Variants in SERGEF observed in about 807,000 individuals in gnomAD.
SERGEF encodes secretion-regulating guanine nucleotide exchange factor.
A neutral mutation model predicts 50.0 loss-of-function variants in SERGEF; 51 were observed. The ratio of observed to expected loss-of-function variants is 1.02; its 90% confidence interval spans 0.81 to 1.29. SERGEF has a LOEUF of 1.29. Ranked by LOEUF, SERGEF falls within the 50% of genes most tolerant of loss-of-function variation. The pLI is 0.00. For missense variants in SERGEF, 521 were observed against 557.0 expected, an observed-to-expected ratio of 0.94 and a Z score of 0.65; for synonymous variants, 205 against 212.4, an observed-to-expected ratio of 0.97 and a Z score of 0.30.
intron 9 of SERGEF, among the ~76,000 whole-genome samples, chr11:17,947,124 A>C (rs1051470584): frequency 2.6e-5 from 4 of 152,262 alleles, no homozygotes; most frequent in African/African-American, 9.6e-5. Flanking sequence ...CTCTGAGTTA[A>C]GATTTCCGTT....
chr11:17,976,068 T>A (rs926240602), intron 8 of SERGEF, among the ~76,000 whole-genome samples: 1 of 152,120 alleles, frequency 6.6e-6, no homozygotes, highest in Non-Finnish European at 1.5e-5. Context: ...GTGAGGAAGT[T>A]CAGGCCCAAT....
intron 10 of SERGEF, among the ~76,000 whole-genome samples, chr11:17,857,838 A>C (rs1325631317): frequency 6.6e-6 from 1 of 152,228 alleles, no homozygotes; most frequent in Non-Finnish European, 1.5e-5. Context: ...ATCGGGATAG[A>C]TTGAGCCCAC....
chr11:17,837,582 C>T lies in SERGEF; in HGVS notation c.1048+40626G>A, dbSNP rs80137216. Among the ~76,000 whole-genome samples, 2,834 of 150,678 alleles carry T rather than the reference C, an allele frequency of 0.019. 191 individuals carry two copies. The East Asian group carries it at 0.23, about 12-fold the overall frequency. On this transcript the variant is annotated intron_variant, in intron 10 of 10. Coordinates refer to ENST00000265965, the MANE Select transcript of SERGEF (RefSeq NM_012139.4). Reference sequence around the variant, plus strand: ...TCATGAGTGGAAGCAGCCTGAGGCCCTCACCATAAACCAAGCAGAAGCCGG... The same window carrying T: ...TCATGAGTGGAAGCAGCCTGAGGCCTTCACCATAAACCAAGCAGAAGCCGG...
At chr11:18,004,380 G>A (rs964754328) in intron 4 of SERGEF, 61 bp downstream of exon 4, 5 of 1,247,684 alleles carry the variant, frequency 4.0e-6, no homozygotes, top group Non-Finnish European at 5.8e-6. Flanking sequence ...GGGAGAGATA[G>A]GTTAATACCT....
intron 10 of SERGEF, among the ~76,000 whole-genome samples, chr11:17,807,275 A>G (rs1389374741): frequency 6.6e-6 from 1 of 152,138 alleles, no homozygotes; most frequent in Non-Finnish European, 1.5e-5. Context: ...ATCCCTGATG[A>G]GCTGCCCCGG....
At chr11:17,987,091 C>T (rs1853615981) in intron 8 of SERGEF, among the ~76,000 whole-genome samples, 1 of 152,220 alleles carries the variant, frequency 6.6e-6, no homozygotes. Context: ...TTCCCCAAGG[C>T]TTAACACATT....
chr11:17,887,101 C>T (rs756436111), intron 9 of SERGEF, among the ~76,000 whole-genome samples: 15 of 152,030 alleles, frequency 9.9e-5, no homozygotes, highest in Non-Finnish European at 2.2e-4. Context: ...CAGGAAGGAA[C>T]AGTAAAGTGA....
intron 10 of SERGEF, chr11:17,854,784 G>T (rs1378555866): frequency 6.6e-6 from 1 of 152,288 alleles, no homozygotes. Flanking sequence ...ATAACATTTT[G>T]TTTCTCACCT....
chr11:17,978,162 A>G, intron 8 of SERGEF, among the ~76,000 whole-genome samples: 1 of 152,150 alleles, frequency 6.6e-6, no homozygotes, highest in East Asian at 1.9e-4. Flanking sequence ...CCCTACCTTA[A>G]GGGGCTACAG....
intron 8 of SERGEF, among the ~76,000 whole-genome samples, chr11:17,970,892 G>A (rs1259339029): frequency 3.3e-5 from 5 of 152,036 alleles, no homozygotes; most frequent in Non-Finnish European, 7.4e-5. Context: ...GGTTCATGAG[G>A]TTTAAAAAAA....
chr11:17,837,972 C>T (rs1365638694), intron 10 of SERGEF, among the ~76,000 whole-genome samples: 1 of 152,102 alleles, frequency 6.6e-6, no homozygotes, highest in African/African-American at 2.4e-5. Flanking sequence ...GCCAATAAAC[C>T]TCTTTTCTTT....
chr11:17,995,724 C>G (rs1853823488), intron 6 of SERGEF, 72 bp downstream of exon 6: 2 of 1,040,904 alleles, frequency 1.9e-6, no homozygotes, highest in Admixed American at 4.1e-5. Context: ...TCCATTTAAT[C>G]CTCTTCTGCA....
At chr11:17,835,874 G>A (rs1215565222) in intron 10 of SERGEF, among the ~76,000 whole-genome samples, 2 of 152,142 alleles carry the variant, frequency 1.3e-5, no homozygotes, top group African/African-American at 4.8e-5. Flanking sequence ...ATTTTATTCT[G>A]ATTAAATTTG....
chr11:17,812,675 C>A (rs983596645), intron 10 of SERGEF, among the ~76,000 whole-genome samples: 1 of 152,178 alleles, frequency 6.6e-6, no homozygotes, highest in African/African-American at 2.4e-5. Context: ...CTTAATTGTA[C>A]CTTTGACTGT....
intron 9 of SERGEF, among the ~76,000 whole-genome samples, chr11:17,885,575 C>T (rs761471431): frequency 2.6e-5 from 4 of 152,050 alleles, no homozygotes; most frequent in Admixed American, 6.5e-5. Context: ...CCTCCTCCCT[C>T]GGCCTCTCAA....
intron 8 of SERGEF, among the ~76,000 whole-genome samples, chr11:17,960,420 G>A (rs1035418617): frequency 2.0e-5 from 3 of 152,168 alleles, no homozygotes; most frequent in African/African-American, 7.2e-5. Context: ...GTTGTACCAA[G>A]TGCCACATTT....
chr11:17,824,102 CCAT>C (rs1201651886), intron 10 of SERGEF, among the ~76,000 whole-genome samples: 11 of 152,108 alleles, frequency 7.2e-5, no homozygotes, highest in Admixed American at 3.3e-4. Context: ...GAGATTGAGA[CCAT>C]CCTGGCTAAC....
At chr11:17,948,669 G>C (rs937981753) in intron 9 of SERGEF, among the ~76,000 whole-genome samples, 1 of 152,170 alleles carries the variant, frequency 6.6e-6, no homozygotes, top group African/African-American at 2.4e-5. Context: ...TAGCCAGCTG[G>C]GTCTCCTGAA....
intron 10 of SERGEF, among the ~76,000 whole-genome samples, chr11:17,874,850 A>G (rs1434442289): frequency 1.3e-5 from 2 of 152,216 alleles, no homozygotes; most frequent in Non-Finnish European, 2.9e-5. Context: ...AGGCTGGGAA[A>G]GACACTTCCT....
Sources: gnomAD v4.1 joint callset for allele counts (sites outside exome capture counted in the v4.1 genomes callset) on GRCh38, gnomAD v4.1.1 for gene constraint, MANE v1.5 for transcripts, NCBI Gene and HGNC (gene_info 2026-07-23, HGNC 2026-07-21) for gene names.